Variants in MUC17 observed in about 807,000 individuals in gnomAD.
MUC17 encodes mucin-17.
MUC17 carries 190 observed loss-of-function variants against 170.3 expected under a neutral mutation model. The observed-to-expected ratio is 1.12, with a 90% CI of 0.99 to 1.26. The LOEUF is 1.26. Ranked by LOEUF, MUC17 falls within the 50% of genes most tolerant of loss-of-function variation. The pLI is 0.00. For missense variants in MUC17, 6,415 were observed against 5,530.0 expected (o/e 1.16, Z -5.08); for synonymous variants, 2,325 against 2,002.5 (o/e 1.16, Z -4.30).
In MUC17 at chr7:101,053,070, G is replaced by T. The variant is rs769267715; in HGVS notation, c.13188G>T (p.Gly4396=). 2 of 1,614,138 alleles carry T rather than the reference G, an allele frequency of 1.2e-6. No homozygotes were observed. The highest frequency in any genetic ancestry group is 1.7e-6 in the Non-Finnish European group (2 of 1,180,026). ...AGAGTCTGGTGTACGGCCTCGTGGG[G>T]GCAGGGGTCGTGCTGATGCTGATCA... is the stretch of plus-strand genomic sequence containing the variant. ...TQKSLVYGLV[G]AGVVLMLIIL... is the part of the protein sequence containing the mutation. Residue 4396 remains glycine, a synonymous_variant, in exon 10 of 13, where the codon GGG becomes GGT. Coordinates refer to ENST00000306151, the MANE Select transcript of MUC17 (RefSeq NM_001040105.2).
At chr7:101,052,642 G>A (rs1019970263) in intron 9 of MUC17, among the ~76,000 whole-genome samples, 2 of 152,154 alleles carry the variant, frequency 1.3e-5, no homozygotes, top group Non-Finnish European at 2.9e-5. Flanking sequence ...AGGAAGGCTG[G>A]AAGTGAGGAG....
chr7:101,043,840 T>C, intron 3 of MUC17, 21 bp downstream of exon 3: 1 of 1,570,516 alleles, frequency 6.4e-7, no homozygotes, highest in Non-Finnish European at 8.6e-7. Context: ...TCTTGAATTT[T>C]CCTTTTTTTT....
intron 3 of MUC17, among the ~76,000 whole-genome samples, chr7:101,045,636 AC>A (rs1275677955): frequency 6.6e-6 from 1 of 151,960 alleles, no homozygotes; most frequent in East Asian, 1.9e-4. Context: ...CAGGTGATCC[AC>A]CCGCCTCAGC....
Position 101,058,678 on chromosome 7 carries a change from T to G in MUC17, c.*634T>G, listed in dbSNP as rs556409624. ...TATCACAAAATGCTCTCATAAGAATTATTGCATACCATCTTCATGAAAAAC... is the reference window on the plus strand; with the variant it reads ...TATCACAAAATGCTCTCATAAGAATGATTGCATACCATCTTCATGAAAAAC... On this transcript the variant is annotated 3_prime_UTR_variant, in exon 13 of 13. Coordinates refer to ENST00000306151, the MANE Select transcript of MUC17 (RefSeq NM_001040105.2). 1.3e-5 allele frequency: 2 copies of G among 152,200 alleles called. No individual in the cohort carries two copies. The highest frequency in any genetic ancestry group is 4.8e-5 in the African/African-American group (2 of 41,532). 9.4% of individuals were successfully genotyped at this position (152,200 alleles called of 1,614,324 possible). A position where few individuals can be genotyped will look rare whatever the true frequency, so the allele number is the denominator to read the frequency against.
intron 12 of MUC17, among the ~76,000 whole-genome samples, chr7:101,056,885 A>T (rs925454814): frequency 6.6e-6 from 1 of 152,056 alleles, no homozygotes; most frequent in Non-Finnish European, 1.5e-5. Flanking sequence ...GATTTCACTC[A>T]CTGACTTCCG....
Position 101,031,774 on chromosome 7 carries a change from G to T in MUC17, c.358G>T (p.Glu120Ter). 6.2e-7 allele frequency: 1 copy of T among 1,608,048 alleles called. No individual in the cohort carries two copies. Among genetic ancestry groups the T allele is most frequent in the Non-Finnish European group, 8.5e-7 (1 of 1,174,506 alleles). The change falls in exon 3 of 13, where the codon GAA becomes TAA. Residue 120 changes from glutamate to a stop codon, truncating the protein, a stop_gained. Coordinates refer to ENST00000306151, the MANE Select transcript of MUC17 (RefSeq NM_001040105.2). LOFTEE classifies it high-confidence loss of function. Reference protein sequence around the residue: ...MTPTESRTTSESTSDSTTLFP... With the variant: ...MTPTESRTTS ...ACCAACAGAATCCAGAACAACTTCA[G>T]AATCTACCAGTGACAGCACCACACT...
rs1358726328 is a variant in MUC17 at position 101,049,230 on chromosome 7, G to A, written c.12664-94G>A. The stretch of plus-strand genomic sequence containing the variant: ...TGATGAGTGTGCTATGATGCTGCGG[G>A]ACAGGATCATCCCCTGGTCCTGTGA... On this transcript the variant is annotated intron_variant, in intron 5 of 12. Coordinates refer to ENST00000306151, the MANE Select transcript of MUC17 (RefSeq NM_001040105.2). The A allele has an allele frequency of 3.9e-6, 6 of 1,540,552 alleles. No homozygotes were observed. In the Admixed American group the frequency reaches 8.4e-5, roughly 22 times the overall value.
At position 101,035,457 on chromosome 7, in the gene MUC17, A is replaced by G. The variant is rs994540087; in HGVS notation, c.4041A>G (p.Thr1347=). The G allele has an allele frequency of 3.1e-6, 5 of 1,599,680 alleles. No homozygotes were observed. In the African/African-American group the frequency reaches 5.5e-5, roughly 17 times the overall value. The part of the protein sequence containing the change: ...TPLTSIPVNT[T]LVASSAISIL... ...TAACAAGTATACCTGTCAACACCAC[A>G]CTGGTGGCCAGTTCTGCAATCAGCA... The change falls in exon 3 of 13, where the codon ACA becomes ACG. Residue 1347 remains threonine, a synonymous_variant. Coordinates refer to ENST00000306151, the MANE Select transcript of MUC17 (RefSeq NM_001040105.2).
At chr7:101,053,262 T>C in intron 10 of MUC17, 77 bp from the exon 11 acceptor site, 2 of 1,583,964 alleles carry the variant, frequency 1.3e-6, no homozygotes, top group Non-Finnish European at 1.7e-6. Context: ...CAGCTAAAAA[T>C]GGGGATACAG....
At position 101,035,387 on chromosome 7, in the gene MUC17, G is replaced by A. The variant is rs1180455695; in HGVS notation, c.3971G>A (p.Gly1324Asp). ...EVSSSPTPAE[G>D]TSMPTSTYSE... The stretch of plus-strand genomic sequence containing the variant: ...AGTTCATCTCCTACACCTGCTGAAG[G>A]TACCAGCATGCCAACCTCAACTTAT... Residue 1324 changes from glycine to aspartate, a missense_variant, in exon 3 of 13, where the codon GGT becomes GAT. Physicochemically the swap from Gly to Asp is moderately conservative, Grantham distance 94. Coordinates refer to ENST00000306151, the MANE Select transcript of MUC17 (RefSeq NM_001040105.2). 2 of 1,605,920 alleles carry A rather than the reference G, an allele frequency of 1.2e-6. No individual in the cohort carries two copies. The highest frequency in any genetic ancestry group is 8.5e-7 in the Non-Finnish European group (1 of 1,174,930).
Position 101,042,987 on chromosome 7 carries a change from A to C in MUC17, c.11571A>C (p.Ile3857=), listed in dbSNP as rs753910826. 6.2e-7 allele frequency: 1 copy of C among 1,614,066 alleles called. No individual in the cohort carries two copies. The highest frequency in any genetic ancestry group is 1.1e-5 in the South Asian group (1 of 91,076). ...CTACCAAAGCCGGTTCATTCTCCAT[A>C]CCTGCTGAAGTCACTACCATACGTA... ...LTSTKAGSFS[I]PAEVTTIRIS... is the part of the protein sequence containing the mutation. Residue 3857 remains isoleucine, a synonymous_variant, in exon 3 of 13, where the codon ATA becomes ATC. Transcript: ENST00000306151.
At chr7:101,027,380 C>T (rs1794200120) in intron 1 of MUC17, among the ~76,000 whole-genome samples, 1 of 151,764 alleles carries the variant, frequency 6.6e-6, no homozygotes, top group South Asian at 2.1e-4. Context: ...GATCCACCGC[C>T]CCTTGGTCCC....
At chr7:101,052,006 G>A in intron 9 of MUC17, 44 bp downstream of exon 9, 1 of 1,583,062 alleles carries the variant, frequency 6.3e-7, no homozygotes, top group East Asian at 2.3e-5. Flanking sequence ...AGACGTCCTG[G>A]TCCTCCCCTC....
intron 9 of MUC17, among the ~76,000 whole-genome samples, 180 bp from the exon 10 acceptor site, chr7:101,052,806 A>G (rs751731079): frequency 6.6e-6 from 1 of 152,088 alleles, no homozygotes; most frequent in Admixed American, 6.6e-5. Flanking sequence ...TCATTTGAGG[A>G]CCACCTCCAG....
chr7:101,031,864 TC>T lies in MUC17; in HGVS notation c.449del (p.Ser150Ter). On this transcript the variant is annotated frameshift_variant, in exon 3 of 13. Transcript: ENST00000306151. LOFTEE classifies it high-confidence loss of function. ...TTPEGTDVPM[S>X]TPSEESISST... ...TCCTGAAGGCACCGACGTGCCCATGTCAACACCAAGTGAAGAAAGCATTTCA... is the reference window on the plus strand; with the variant it reads ...TCCTGAAGGCACCGACGTGCCCATGTAACACCAAGTGAAGAAAGCATTTCA... 1 of 1,614,210 alleles carries T rather than the reference TC, an allele frequency of 6.2e-7. No homozygotes were observed. The highest frequency in any genetic ancestry group is 8.5e-7 in the Non-Finnish European group (1 of 1,180,030).
In MUC17 at chr7:101,043,839, T is replaced by A. The variant is rs756345758; in HGVS notation, c.12403+20T>A. 1.3e-6 allele frequency: 2 copies of A among 1,570,836 alleles called. No homozygotes were observed. The highest frequency in any genetic ancestry group is 1.4e-5 in the African/African-American group (1 of 73,298). ...CAACATGTAAGTGATTTCTTGAATT[T>A]TCCTTTTTTTTAAAATTATACTGTA... On this transcript the variant is annotated intron_variant, in intron 3 of 12. Coordinates refer to ENST00000306151, the MANE Select transcript of MUC17 (RefSeq NM_001040105.2).
chr7:101,025,145 G>A lies in MUC17; in HGVS notation c.82+4928G>A, dbSNP rs905696412. On this transcript the variant is annotated intron_variant, in intron 1 of 12. Coordinates refer to ENST00000306151, the MANE Select transcript of MUC17 (RefSeq NM_001040105.2). ...TTTGGGAGGCTGAGGTGGGAGGATC[G>A]CTTGAGCCCAGAAGTTTGAGACCAG... is the stretch of plus-strand genomic sequence containing the variant. Among the ~76,000 whole-genome samples, 6 of 151,100 alleles carry A rather than the reference G, an allele frequency of 4.0e-5. No homozygotes were observed. In the South Asian group the frequency reaches 6.3e-4, roughly 16 times the overall value.
Position 101,037,006 on chromosome 7 carries a change from G to A in MUC17, c.5590G>A (p.Glu1864Lys). The A allele has an allele frequency of 6.3e-7, 1 of 1,584,048 alleles. No individual in the cohort carries two copies. Among genetic ancestry groups the A allele is most frequent in the Non-Finnish European group, 8.5e-7 (1 of 1,179,050 alleles). Residue 1864 changes from glutamate (E) to lysine (K), a missense_variant, in exon 3 of 13, where the codon GAA (glutamate) becomes AAA (lysine). Physicochemically the swap from Glu to Lys is moderately conservative, Grantham distance 56. Coordinates refer to ENST00000306151, the MANE Select transcript of MUC17 (RefSeq NM_001040105.2). ...CAGCATAGCAACCTCAACGCCTAGT[G>A]AAGGAAGCACTGCATTAACAAGTAT... ...GTSIATSTPSEGSTALTSIPV... is the reference protein window; with the variant it reads ...GTSIATSTPSKGSTALTSIPV...
At position 101,039,061 on chromosome 7, in the gene MUC17, T is replaced by A; in HGVS notation, c.7645T>A (p.Ser2549Thr). The change falls in exon 3 of 13, where the codon TCT (serine) becomes ACT (threonine). Residue 2549 changes from serine to threonine, a missense_variant. Ser to Thr is a moderately conservative substitution (Grantham distance 58, BLOSUM62 1). Coordinates refer to ENST00000306151, the MANE Select transcript of MUC17 (RefSeq NM_001040105.2). ...TGACTCCAACAGTCCTGTGGTCACTTCTACTGAAATCAGTTCATCTGCTAC... is the reference window on the plus strand; with the variant it reads ...TGACTCCAACAGTCCTGTGGTCACTACTACTGAAATCAGTTCATCTGCTAC... ...PVDSNSPVVT[S>T]TEISSSATSA... is the part of the protein sequence containing the mutation. 6.2e-7 allele frequency: 1 copy of A among 1,613,344 alleles called. No homozygotes were observed. Among genetic ancestry groups the A allele is most frequent in the Non-Finnish European group, 8.5e-7 (1 of 1,179,874 alleles).
Sources: gnomAD v4.1 joint callset for allele counts (sites outside exome capture counted in the v4.1 genomes callset) on GRCh38, gnomAD v4.1.1 for gene constraint, MANE v1.5 for transcripts, NCBI Gene and HGNC (gene_info 2026-07-23, HGNC 2026-07-21) for gene names.